Variants in MAF observed in about 807,000 individuals in gnomAD.
MAF encodes the protein MAF bZIP transcription factor.
A neutral mutation model predicts 22.0 loss-of-function variants in MAF; 10 were observed. The observed-to-expected ratio is 0.45, with a 90% CI of 0.28 to 0.77. The LOEUF (loss-of-function observed/expected upper bound fraction) is 0.77. Among genes scored for constraint, MAF ranks in the 30% least tolerant of loss-of-function variants. MAF has a pLI of 0.12. For synonymous variants in MAF, 337 were observed against 255.8 expected (o/e 1.32, Z -3.03); for missense variants, 544 against 548.4 (o/e 0.99, Z 0.08).
the MAF span, among the ~76,000 whole-genome samples, chr16:79,266,453 T>A: frequency 2.0e-5 from 3 of 151,972 alleles, no homozygotes; most frequent in African/African-American, 2.4e-5. Context: ...AATAAGAGCA[T>A]CTCTGGCTGT....
the MAF span, among the ~76,000 whole-genome samples, chr16:79,466,324 G>A: frequency 1.3e-5 from 2 of 152,160 alleles, no homozygotes; most frequent in Non-Finnish European, 2.9e-5. Context: ...GATGACTCAT[G>A]GGTTTAAATG....
the MAF span, among the ~76,000 whole-genome samples, chr16:79,443,399 G>C: frequency 2.0e-5 from 3 of 152,188 alleles, no homozygotes; most frequent in Non-Finnish European, 4.4e-5. Flanking sequence ...ATATCTGGCA[G>C]CCCCACTAAC....
the MAF span, among the ~76,000 whole-genome samples, chr16:79,548,880 T>C: frequency 3.3e-5 from 5 of 152,142 alleles, no homozygotes; most frequent in South Asian, 8.3e-4. Flanking sequence ...CTCTGCTCCT[T>C]AAGCCTCTAC....
At chr16:79,554,779 G>T in the MAF span, among the ~76,000 whole-genome samples, 1 of 152,122 alleles carries the variant, frequency 6.6e-6, no homozygotes, top group African/African-American at 2.4e-5. Context: ...TTTGAAAATT[G>T]TATGGGCATC....
the MAF span, among the ~76,000 whole-genome samples, chr16:79,247,750 G>C: frequency 6.6e-6 from 1 of 152,048 alleles, no homozygotes; most frequent in Non-Finnish European, 1.5e-5. Flanking sequence ...TTTTGGACAT[G>C]CTTGAACTAA....
chr16:79,344,312 G>A, the MAF span, among the ~76,000 whole-genome samples: 1 of 152,350 alleles, frequency 6.6e-6, no homozygotes, highest in South Asian at 2.1e-4. Context: ...AGGGCGATTA[G>A]ACCCAAGTCA....
the MAF span, among the ~76,000 whole-genome samples, chr16:79,575,279 C>T: frequency 1.3e-5 from 2 of 152,276 alleles, no homozygotes; most frequent in East Asian, 1.9e-4. Flanking sequence ...ACCCCATTAT[C>T]AGAAAAGCAG....
the MAF span, among the ~76,000 whole-genome samples, chr16:79,356,449 C>G: frequency 6.6e-6 from 1 of 152,172 alleles, no homozygotes; most frequent in African/African-American, 2.4e-5. Context: ...CCTTCCCAGC[C>G]TAATATCAAG....
chr16:79,549,767 A>G, the MAF span, among the ~76,000 whole-genome samples: 1 of 152,162 alleles, frequency 6.6e-6, no homozygotes, highest in Non-Finnish European at 1.5e-5. Flanking sequence ...CCTGATTTCT[A>G]CTAACCCAGA....
the MAF span, among the ~76,000 whole-genome samples, chr16:79,243,207 G>A: frequency 6.6e-6 from 1 of 151,894 alleles, no homozygotes; most frequent in African/African-American, 2.4e-5. Context: ...GATGGGAGCA[G>A]AAGTGAAGGT....
At chr16:79,416,083 G>A in the MAF span, among the ~76,000 whole-genome samples, 260 of 152,252 alleles carry the variant, frequency 1.7e-3, 1 homozygote, top group African/African-American at 6.0e-3. Context: ...CAGAGGGGAT[G>A]TGCCCAGCTT....
chr16:79,471,265 G>C, the MAF span, among the ~76,000 whole-genome samples: 1 of 152,216 alleles, frequency 6.6e-6, no homozygotes. Context: ...TTATCTTACA[G>C]ATACAAAACA....
the MAF span, among the ~76,000 whole-genome samples, chr16:79,446,276 C>T: frequency 6.6e-6 from 1 of 152,158 alleles, no homozygotes; most frequent in Non-Finnish European, 1.5e-5. Flanking sequence ...GTTCTAAGAT[C>T]AGTACCACCA....
the MAF span, among the ~76,000 whole-genome samples, chr16:79,526,322 A>G: frequency 0.87 from 132,499 of 152,160 alleles, 58,349 homozygotes; most frequent in South Asian, 0.96. Flanking sequence ...TAGATTCCTC[A>G]CATGCACAGC....
the MAF span, among the ~76,000 whole-genome samples, chr16:79,249,625 G>T: frequency 6.6e-6 from 1 of 152,082 alleles, no homozygotes; most frequent in Non-Finnish European, 1.5e-5. Context: ...AAGGTAATTT[G>T]TTCTAGCAGT....
the MAF span, among the ~76,000 whole-genome samples, chr16:79,350,273 C>T: frequency 6.6e-6 from 1 of 152,160 alleles, no homozygotes; most frequent in African/African-American, 2.4e-5. Context: ...TCTAAAAGCC[C>T]ACTATGTGCC....
At chr16:79,534,411 G>A in the MAF span, among the ~76,000 whole-genome samples, 3 of 152,160 alleles carry the variant, frequency 2.0e-5, no homozygotes, top group African/African-American at 7.2e-5. Context: ...TCCAAAAATA[G>A]TGTCAGAAAG....
At chr16:79,261,793 T>C in the MAF span, among the ~76,000 whole-genome samples, 1 of 152,084 alleles carries the variant, frequency 6.6e-6, no homozygotes, top group Non-Finnish European at 1.5e-5. Flanking sequence ...TCAAAGACAA[T>C]TTCATTGACA....
the MAF span, among the ~76,000 whole-genome samples, chr16:79,388,892 T>C: frequency 6.6e-6 from 1 of 152,224 alleles, no homozygotes; most frequent in South Asian, 2.1e-4. Flanking sequence ...AAGCCAGAAC[T>C]CAGCTAGCTT....
Sources: allele counts gnomAD v4.1 joint callset (sites outside exome capture counted in the v4.1 genomes callset), GRCh38; gene constraint gnomAD v4.1.1; transcripts MANE v1.5; gene names NCBI Gene and HGNC (gene_info 2026-07-23, HGNC 2026-07-21).